The following PNPLA1 variants were observed in gnomAD, a reference collection of about 807,000 sequenced individuals.
PNPLA1 encodes patatin like domain 1, omega-hydroxyceramide transacylase.
PNPLA1 carries 36 observed loss-of-function variants against 51.7 expected under a neutral mutation model. The observed-to-expected ratio is 0.70, with a 90% CI of 0.53 to 0.92. The LOEUF is 0.92. Among genes scored for constraint, PNPLA1 ranks in the 40% least tolerant of loss-of-function variants. The pLI is 0.00. For missense variants in PNPLA1, 658 were observed against 682.5 expected, an observed-to-expected ratio of 0.96 and a Z score of 0.40; for synonymous variants, 293 against 280.1, an observed-to-expected ratio of 1.05 and a Z score of -0.46.
chr6:36,256,935 G>T (rs1019187540), intron 1 of PNPLA1, among the ~76,000 whole-genome samples: 2 of 152,148 alleles, frequency 1.3e-5, no homozygotes, highest in Non-Finnish European at 2.9e-5. Context: ...GAAGTGGGGG[G>T]ATATAGGCAA....
rs1237688454 is a variant in PNPLA1, at chr6:36,294,149, A to G, written c.505-41A>G. 1 of 1,607,664 alleles carries G rather than the reference A, an allele frequency of 6.2e-7. No homozygotes were observed. Among genetic ancestry groups the G allele is most frequent in the East Asian group, 2.2e-5 (1 of 44,760 alleles). ...CGATGTACCCCGAGTGGGGCTGAGA[A>G]CTCTGGCCCCAAGTGGGCATTTCTC... On this transcript the variant is annotated intron_variant, in intron 3 of 8. Coordinates refer to ENST00000636260, the MANE Select transcript of PNPLA1 (RefSeq NM_001374623.1). The surrounding 1 kb of genome is among the most constrained non-coding windows in gnomAD (Gnocchi z 4.2).
intron 1 of PNPLA1, among the ~76,000 whole-genome samples, chr6:36,260,669 CA>C (rs1470614004): frequency 6.6e-6 from 1 of 152,194 alleles, no homozygotes; most frequent in Non-Finnish European, 1.5e-5. Context: ...CTTTTTTACA[CA>C]AATGGTAGCA....
chr6:36,261,111 G>GAGCC (rs537724632), intron 1 of PNPLA1, among the ~76,000 whole-genome samples: 43 of 152,220 alleles, frequency 2.8e-4, no homozygotes, highest in Admixed American at 5.9e-4. Context: ...TTTCAGGCAT[G>GAGCC]AGCCACCAAG....
intron 1 of PNPLA1, among the ~76,000 whole-genome samples, chr6:36,257,590 G>A (rs974397577): frequency 1.3e-5 from 2 of 152,220 alleles, no homozygotes; most frequent in African/African-American, 4.8e-5. Flanking sequence ...TTCAGTGCTA[G>A]AATTCCCACT....
intron 8 of PNPLA1, among the ~76,000 whole-genome samples, chr6:36,311,127 G>A (rs961023118): frequency 6.6e-6 from 1 of 152,196 alleles, no homozygotes; most frequent in Non-Finnish European, 1.5e-5. Context: ...ATGGGGCTGG[G>A]GCCCAGCGGT....
chr6:36,289,615 A>G (rs961020161), intron 1 of PNPLA1, among the ~76,000 whole-genome samples: 1 of 151,698 alleles, frequency 6.6e-6, no homozygotes, highest in Non-Finnish European at 1.5e-5. Context: ...AAGGTTCGAA[A>G]AAAAAAAAGG....
rs1301197655 is a variant in PNPLA1 at position 36,313,754 on chromosome 6, C to T, written c.*1868C>T. On this transcript the variant is annotated 3_prime_UTR_variant, in exon 9 of 9. Transcript: ENST00000636260. ...CTTCCAGGAGTGGCCTCCATGTTTG[C>T]AGAAGCCTGAGGCCTGGGAAACTAG... Among the ~76,000 whole-genome samples, 1 of 152,190 alleles carries T rather than the reference C, an allele frequency of 6.6e-6. No homozygotes were observed. Among genetic ancestry groups the T allele is most frequent in the Non-Finnish European group, 1.5e-5 (1 of 68,018 alleles).
chr6:36,305,477 A>T (rs555700355), intron 6 of PNPLA1, among the ~76,000 whole-genome samples: 1 of 152,176 alleles, frequency 6.6e-6, no homozygotes, highest in Non-Finnish European at 1.5e-5. Context: ...CTTCAGAAGA[A>T]CCCACATATA....
At chr6:36,264,390 C>T (rs539998958) in intron 1 of PNPLA1, among the ~76,000 whole-genome samples, 11 of 152,284 alleles carry the variant, frequency 7.2e-5, no homozygotes, top group Non-Finnish European at 1.2e-4. Context: ...GGGATCATAA[C>T]ACCAAGTAAA....
At chr6:36,297,450 G>T (rs963556348) in intron 5 of PNPLA1, among the ~76,000 whole-genome samples, 1 of 152,108 alleles carries the variant, frequency 6.6e-6, no homozygotes, top group African/African-American at 2.4e-5. Context: ...ATGGGAGTCC[G>T]CCCAGCCTCC....
Position 36,294,305 on chromosome 6 carries a change from T to C in PNPLA1, c.620T>C (p.Ile207Thr). Residue 207 changes from isoleucine (I) to threonine (T), a missense_variant, in exon 4 of 9, where the codon ATC (isoleucine) becomes ACC (threonine). Coordinates refer to ENST00000636260, the MANE Select transcript of PNPLA1 (RefSeq NM_001374623.1). This position sits in a 1 kb window ranked among gnomAD's most constrained non-coding sequence, Gnocchi z 4.2. ...QDICPRDCPA[I>T]FHDFRMFNCS... is the part of the protein sequence containing the mutation. Reference sequence around the variant, plus strand: ...ATCTGTCCCCGGGACTGCCCGGCCATCTTCCACGACTTCCGCATGTTCAAC... The same window carrying C: ...ATCTGTCCCCGGGACTGCCCGGCCACCTTCCACGACTTCCGCATGTTCAAC... 1.2e-6 allele frequency: 2 copies of C among 1,614,200 alleles called. No homozygotes were observed. Among genetic ancestry groups the C allele is most frequent in the Non-Finnish European group, 1.7e-6 (2 of 1,180,030 alleles).
chr6:36,291,565 G>A lies in PNPLA1; in HGVS notation c.438+13G>A. 8.0e-7 allele frequency: 1 copy of A among 1,247,972 alleles called. No individual in the cohort carries two copies. Among genetic ancestry groups the A allele is most frequent in the Non-Finnish European group, 1.1e-6 (1 of 871,764 alleles). The allele number at this position is 1,247,972 out of a possible 1,614,324, so 77.3% of individuals were successfully genotyped here. On this transcript the variant is annotated intron_variant, in intron 2 of 8. Coordinates refer to ENST00000636260, the MANE Select transcript of PNPLA1 (RefSeq NM_001374623.1). Reference sequence around the variant, plus strand: ...GGAGCTCATTGAGGCAAGGGGGCTGGGCTGGGAGGGAGGGACACGGAGGGG... The same window carrying A: ...GGAGCTCATTGAGGCAAGGGGGCTGAGCTGGGAGGGAGGGACACGGAGGGG...
At chr6:36,247,593 T>A (rs998181875) in intron 1 of PNPLA1, among the ~76,000 whole-genome samples, 6 of 152,152 alleles carry the variant, frequency 3.9e-5, no homozygotes, top group Non-Finnish European at 7.3e-5. Flanking sequence ...TGGAGAAAGA[T>A]CTGAGAGCAG....
At chr6:36,276,404 C>T (rs1342801306) in intron 1 of PNPLA1, among the ~76,000 whole-genome samples, 1 of 152,174 alleles carries the variant, frequency 6.6e-6, no homozygotes, top group Non-Finnish European at 1.5e-5. Context: ...AGTTCTGTGA[C>T]TAGGCCAGTT....
intron 1 of PNPLA1, among the ~76,000 whole-genome samples, chr6:36,253,468 C>G (rs923747435): frequency 6.6e-6 from 1 of 152,088 alleles, no homozygotes; most frequent in African/African-American, 2.4e-5. Flanking sequence ...TAAGACACAA[C>G]TGTTATAATT....
At chr6:36,269,436 C>T (rs551104226), upstream of PNPLA1, among the ~76,000 whole-genome samples, 1 of 152,298 alleles carries the variant, frequency 6.6e-6, no homozygotes, top group South Asian at 2.1e-4. Context: ...CGTCTCTCTG[C>T]CCTGACCCCG....
chr6:36,289,744 G>A (rs559998754), intron 1 of PNPLA1, among the ~76,000 whole-genome samples: 4 of 152,168 alleles, frequency 2.6e-5, no homozygotes, highest in Non-Finnish European at 5.9e-5. Context: ...CCTGACCTCA[G>A]GCAAGACACT....
At chr6:36,311,369 A>G (rs1380724317) in intron 8 of PNPLA1, among the ~76,000 whole-genome samples, 2 of 152,208 alleles carry the variant, frequency 1.3e-5, no homozygotes, top group African/African-American at 2.4e-5. Flanking sequence ...GAAATAGTCT[A>G]TGCAAGCAGT....
At position 36,302,270 on chromosome 6, in the gene PNPLA1, ACTGTCACCT is replaced by A. The variant is rs766217287; in HGVS notation, c.1196_1204del (p.Leu399_Pro401del). The A allele has an allele frequency of 1.4e-5, 22 of 1,613,992 alleles. No individual in the cohort carries two copies. Among genetic ancestry groups the A allele is most frequent in the East Asian group, 8.9e-5 (4 of 44,890 alleles). ...CATCACTGCCCACCCCACCACCTGG[ACTGTCACCT>A]CTGTCACCTCAGCAGCAGGTACAAC... On this transcript the variant is annotated inframe_deletion, in exon 6 of 9. Coordinates refer to ENST00000636260, the MANE Select transcript of PNPLA1 (RefSeq NM_001374623.1).
Sources: gnomAD v4.1 joint callset for allele counts (sites outside exome capture counted in the v4.1 genomes callset) on GRCh38, gnomAD v4.1.1 for gene constraint, Gnocchi (gnomAD v3.1) non-coding constraint, MANE v1.5 for transcripts, NCBI Gene and HGNC (gene_info 2026-07-23, HGNC 2026-07-21) for gene names.